Variants in LITAF observed in about 807,000 individuals in gnomAD.
LITAF encodes lipopolysaccharide-induced tumor necrosis factor-alpha factor.
Under a neutral mutation model 14.5 loss-of-function variants are expected in LITAF, and 9 were observed. That is an observed-to-expected ratio of 0.62 (90% CI 0.37 to 1.08). The LOEUF (loss-of-function observed/expected upper bound fraction) is 1.08. Ranked by LOEUF, LITAF falls within the 50% of genes least tolerant of loss-of-function variation. The pLI is 0.01. For missense variants in LITAF, 206 were observed against 213.4 expected, an observed-to-expected ratio of 0.97 and a Z score of 0.22; for synonymous variants, 98 against 88.2, an observed-to-expected ratio of 1.11 and a Z score of -0.62.
At position 11,632,839 on chromosome 16, in the gene LITAF, G is replaced by A. The variant is rs2065124447; in HGVS notation, c.85+694C>T. Among the ~76,000 whole-genome samples, 1 of 152,070 alleles carries A rather than the reference G, an allele frequency of 6.6e-6. No individual in the cohort carries two copies. Among genetic ancestry groups the A allele is most frequent in the Non-Finnish European group, 1.5e-5 (1 of 68,030 alleles). On this transcript the variant is annotated intron_variant, in intron 3 of 3. Coordinates refer to the LITAF transcript ENST00000574848. The surrounding 1 kb of genome is among the most constrained non-coding windows in gnomAD (Gnocchi z 4.8). ...GCCTCCTCGTCCTTCTTCTTCTGCC[G>A]AATGCCTGGAATTCCACAGGAATTT...
intron 3 of LITAF, among the ~76,000 whole-genome samples, chr16:11,622,482 T>C (rs1447719691): frequency 1.3e-5 from 2 of 152,190 alleles, no homozygotes; most frequent in Non-Finnish European, 1.5e-5. Flanking sequence ...GACCGCACAC[T>C]TGTGAACTTC....
At chr16:11,631,300 C>A (rs548327336) in intron 3 of LITAF, among the ~76,000 whole-genome samples, 1 of 152,194 alleles carries the variant, frequency 6.6e-6, no homozygotes, top group Non-Finnish European at 1.5e-5. Context: ...GGACCACCTC[C>A]CCCTGGAGGA....
At chr16:11,575,766 C>T (rs2064622227) in intron 1 of LITAF, among the ~76,000 whole-genome samples, 1 of 152,226 alleles carries the variant, frequency 6.6e-6, no homozygotes, top group Admixed American at 6.5e-5. Context: ...AGTTGAAACA[C>T]AGCAGAAACC....
rs972339637 is a variant in LITAF, at chr16:11,558,947, C to T, written c.-5-2212G>A. Among the ~76,000 whole-genome samples, 5 of 151,956 alleles carry T rather than the reference C, an allele frequency of 3.3e-5. No individual in the cohort carries two copies. Among genetic ancestry groups the T allele is most frequent in the Non-Finnish European group, 7.4e-5 (5 of 67,998 alleles). ...CCACCAGTCACGTAAGGTTATTGGGCGTCTAAAATGTGGCTTGTGGCCGGG... is the reference window on the plus strand; with the variant it reads ...CCACCAGTCACGTAAGGTTATTGGGTGTCTAAAATGTGGCTTGTGGCCGGG... On this transcript the variant is annotated intron_variant, in intron 1 of 3. Transcript: ENST00000622633. This position sits in a 1 kb window ranked among gnomAD's most constrained non-coding sequence, Gnocchi z 4.1.
rs6498229 is a variant in LITAF, at chr16:11,605,659, C to G, written c.85+27874G>C. On this transcript the variant is annotated intron_variant, in intron 3 of 3. Transcript: ENST00000574848. This position sits in a 1 kb window ranked among gnomAD's most constrained non-coding sequence, Gnocchi z 4.7. ...AAGTAAAGCAGCAGCCAGCCGGGCA[C>G]GGAGGCCAAGGCAGGAGGATCGCTG... Among the ~76,000 whole-genome samples, 56 of 152,146 alleles carry G rather than the reference C, an allele frequency of 3.7e-4. 3 individuals are homozygous for G. The highest frequency in any genetic ancestry group is 1.9e-4 in the Non-Finnish European group (13 of 67,978).
intron 1 of LITAF, among the ~76,000 whole-genome samples, chr16:11,574,969 ATTT>A (rs1378926441): frequency 6.6e-6 from 1 of 151,868 alleles, no homozygotes; most frequent in African/African-American, 2.4e-5. Context: ...CGCTCAGCTC[ATTT>A]TTTTATTTTT....
At chr16:11,576,239 C>T (rs1342741337) in intron 1 of LITAF, among the ~76,000 whole-genome samples, 2 of 151,922 alleles carry the variant, frequency 1.3e-5, no homozygotes, top group East Asian at 1.9e-4. Context: ...GAGGCCGAGG[C>T]GGGTGAATCA....
At chr16:11,588,036 CAA>C (rs1425809708), upstream of LITAF, among the ~76,000 whole-genome samples, 1 of 152,096 alleles carries the variant, frequency 6.6e-6, no homozygotes, top group African/African-American at 2.4e-5. Context: ...GGTCCCTCAG[CAA>C]AGTGTCCCCA....
intron 1 of LITAF, among the ~76,000 whole-genome samples, chr16:11,563,526 G>A (rs750384169): frequency 2.6e-5 from 4 of 152,036 alleles, no homozygotes; most frequent in Non-Finnish European, 4.4e-5. Context: ...AACTCTGGAG[G>A]GATCACCTCT....
At chr16:11,572,443 G>A (rs908628606) in intron 1 of LITAF, among the ~76,000 whole-genome samples, 6 of 152,038 alleles carry the variant, frequency 3.9e-5, no homozygotes, top group African/African-American at 1.5e-4. Flanking sequence ...TCAGCGAGAA[G>A]TCACATGACA....
chr16:11,629,759 G>A (rs544880506), intron 3 of LITAF, among the ~76,000 whole-genome samples: 11 of 152,258 alleles, frequency 7.2e-5, no homozygotes, highest in East Asian at 1.9e-4. Context: ...AGCCAGTTTC[G>A]AATCATGATT....
At chr16:11,603,602 A>C (rs2064939647) in intron 3 of LITAF, among the ~76,000 whole-genome samples, 1 of 152,232 alleles carries the variant, frequency 6.6e-6, no homozygotes, top group Admixed American at 6.5e-5. Flanking sequence ...AAGGTTTCCT[A>C]GCAGACAGAG....
At chr16:11,568,054 A>C (rs1218688273) in intron 1 of LITAF, among the ~76,000 whole-genome samples, 2 of 152,028 alleles carry the variant, frequency 1.3e-5, no homozygotes, top group South Asian at 2.1e-4. Context: ...TTGGAAGCCC[A>C]AGGCGGGAGG....
At chr16:11,597,144 G>T (rs2064894480) in intron 1 of LITAF, among the ~76,000 whole-genome samples, 1 of 152,120 alleles carries the variant, frequency 6.6e-6, no homozygotes, top group Non-Finnish European at 1.5e-5. Context: ...TAGAACTGGG[G>T]TAACAAGATA....
At chr16:11,579,950 G>A (rs1358110213) in intron 1 of LITAF, among the ~76,000 whole-genome samples, 3 of 152,096 alleles carry the variant, frequency 2.0e-5, no homozygotes, top group South Asian at 2.1e-4. Context: ...GCAGACACAG[G>A]AGCAGCTCTG....
In LITAF at chr16:11,586,719, G is replaced by A. The variant is rs2064811976; in HGVS notation, c.-6+167C>T. On this transcript the variant is annotated intron_variant, in intron 1 of 3. Transcript: ENST00000622633. The surrounding 1 kb of genome is among the most constrained non-coding windows in gnomAD (Gnocchi z 6.5). ...GACCCCGCCCCGGCCGGGCCCCCAC[G>A]CCCTCCGCCGCGCCTCGATGCCCGC... Among the ~76,000 whole-genome samples, 1 of 151,418 alleles carries A rather than the reference G, an allele frequency of 6.6e-6. No homozygotes were observed. Among genetic ancestry groups the A allele is most frequent in the Non-Finnish European group, 1.5e-5 (1 of 67,778 alleles).
chr16:11,634,970 G>A lies in LITAF; in HGVS notation c.-21+855C>T, dbSNP rs189559575. Among the ~76,000 whole-genome samples the A allele has an allele frequency of 6.6e-6, 1 of 152,012 alleles. No homozygotes were observed. The highest frequency in any genetic ancestry group is 6.6e-5 in the Admixed American group (1 of 15,238). ...AATCGATTGAACCCGGGAAGCGGAG[G>A]TTGCAGAGAGCTGAGATCACGCCAT... is the stretch of plus-strand genomic sequence containing the variant. On this transcript the variant is annotated intron_variant, in intron 2 of 3. Transcript: ENST00000574848. The surrounding 1 kb of genome is among the most constrained non-coding windows in gnomAD (Gnocchi z 4.1).
At chr16:11,574,446 G>A (rs533043578) in intron 1 of LITAF, among the ~76,000 whole-genome samples, 1 of 152,222 alleles carries the variant, frequency 6.6e-6, no homozygotes, top group East Asian at 1.9e-4. Context: ...TAGGGGATGG[G>A]GTGTGACAAA....
chr16:11,578,954 C>G (rs558126709), intron 1 of LITAF, among the ~76,000 whole-genome samples: 73 of 152,276 alleles, frequency 4.8e-4, no homozygotes, highest in African/African-American at 1.7e-3. Context: ...TCTGGGAGGC[C>G]GAGGCGGGTG....
Sources: allele counts gnomAD v4.1 joint callset (sites outside exome capture counted in the v4.1 genomes callset), GRCh38; gene constraint gnomAD v4.1.1; non-coding constraint Gnocchi (gnomAD v3.1); transcripts MANE v1.5; gene names NCBI Gene and HGNC (gene_info 2026-07-23, HGNC 2026-07-21).